UBR4: variants seen among roughly 807,000 people sequenced by gnomAD.
UBR4 encodes ubiquitin protein ligase E3 component n-recognin 4, also known as E3 ubiquitin-protein ligase UBR4.
Under a neutral mutation model 575.6 loss-of-function variants are expected in UBR4, and 124 were observed. That is an observed-to-expected ratio of 0.22 (90% CI 0.19 to 0.25). The LOEUF (loss-of-function observed/expected upper bound fraction) is 0.25. Among genes scored for constraint, UBR4 ranks in the 10% least tolerant of loss-of-function variants. The probability of loss-of-function intolerance (pLI) is 1.00; values close to 1 mark genes in which losing one functional copy is unlikely to be tolerated. For synonymous variants in UBR4, 2,455 were observed against 2,473.7 expected, an observed-to-expected ratio of 0.99 and a Z score of 0.22; for missense variants, 4,818 against 6,478.8, an observed-to-expected ratio of 0.74 and a Z score of 8.80.
At chr1:19,142,659 C>T (rs990226840) in intron 55 of UBR4, among the ~76,000 whole-genome samples, 2 of 152,136 alleles carry the variant, frequency 1.3e-5, no homozygotes, top group Non-Finnish European at 2.9e-5. Flanking sequence ...GGAGATGTGC[C>T]ACTAGTGTAA....
Position 19,192,289 on chromosome 1 carries a change from A to G in UBR4, c.1293T>C (p.Asp431=). 2 of 1,614,142 alleles carry G rather than the reference A, an allele frequency of 1.2e-6. No individual in the cohort carries two copies. Among genetic ancestry groups the G allele is most frequent in the Middle Eastern group, 3.3e-4 (2 of 6,062 alleles). Residue 431 remains aspartate (D), a synonymous_variant, in exon 11 of 106, where the codon GAT becomes GAC. Transcript: ENST00000375254. The part of the protein sequence containing the change: ...ILNLSPTALA[D]KGKEKDPLAA... ...CCAGTGGGTCCTTCTCTTTCCCCTT[A>G]TCAGCCAACGCAGTAGGACTGAGGT...
chr1:19,134,640 C>A (rs2082980762), intron 60 of UBR4, among the ~76,000 whole-genome samples: 1 of 151,494 alleles, frequency 6.6e-6, no homozygotes, highest in Non-Finnish European at 1.5e-5. Flanking sequence ...CCTCACAGGG[C>A]ATTTGGAATA....
Position 19,141,678 on chromosome 1 carries a change from C to G in UBR4, c.8279G>C (p.Ser2760Thr), listed in dbSNP as rs771209870. Reference sequence around the variant, plus strand: ...CTCAAAATCTCCATGGTCCACCTCACTCTGTTCCTGGCTTTCCTGACGGAT... The same window carrying G: ...CTCAAAATCTCCATGGTCCACCTCAGTCTGTTCCTGGCTTTCCTGACGGAT... Reference protein sequence around the residue: ...GHIRQESQEQSEVDHGDFEMV... With the variant: ...GHIRQESQEQTEVDHGDFEMV... The change falls in exon 56 of 106, where the codon AGT becomes ACT. Residue 2760 changes from serine to threonine, a missense_variant. Ser to Thr is a moderately conservative substitution (Grantham distance 58, BLOSUM62 1). Transcript: ENST00000375254. The G allele has an allele frequency of 6.2e-7, 1 of 1,614,238 alleles. No individual in the cohort carries two copies. Among genetic ancestry groups the G allele is most frequent in the Non-Finnish European group, 8.5e-7 (1 of 1,180,030 alleles).
chr1:19,129,518 C>T (rs1170746601), intron 60 of UBR4, among the ~76,000 whole-genome samples: 1 of 152,192 alleles, frequency 6.6e-6, no homozygotes, highest in Admixed American at 6.5e-5. Context: ...CACAGTGACC[C>T]AGCCCTTTCT....
chr1:19,119,721 C>A lies in UBR4; in HGVS notation c.10311-20G>T. On this transcript the variant is annotated intron_variant, in intron 69 of 105. Transcript: ENST00000375254. The stretch of plus-strand genomic sequence containing the variant: ...GAATTTCTGTGGATATATGACAGCT[C>A]ATGTTACCAAGCAGCAGAAAACCCT... 2 of 1,591,242 alleles carry A rather than the reference C, an allele frequency of 1.3e-6. No homozygotes were observed. The highest frequency in any genetic ancestry group is 1.7e-5 in the Admixed American group (1 of 59,136).
Position 19,187,550 on chromosome 1 carries a change from G to C in UBR4, c.1395-10C>G. 1 of 1,607,522 alleles carries C rather than the reference G, an allele frequency of 6.2e-7. No individual in the cohort carries two copies. The highest frequency in any genetic ancestry group is 8.5e-7 in the Non-Finnish European group (1 of 1,176,124). Reference sequence around the variant, plus strand: ...CCCAAATCCCTGATGCCTACACAAAGAAAAAGGAAAACACAATCCTTAAAA... The same window carrying C: ...CCCAAATCCCTGATGCCTACACAAACAAAAAGGAAAACACAATCCTTAAAA... On this transcript the variant is annotated splice_polypyrimidine_tract_variant and intron_variant, in intron 11 of 105. Coordinates refer to ENST00000375254, the MANE Select transcript of UBR4 (RefSeq NM_020765.3).
Position 19,104,537 on chromosome 1 carries a change from C to G in UBR4, c.12727+48G>C, listed in dbSNP as rs372553023. On this transcript the variant is annotated intron_variant, in intron 86 of 105. Transcript: ENST00000375254. ...GCACCCAAGGAACTAAGGGTTGTCC[C>G]TAAACAGATTCAGGATGCCCTAAAG... is the stretch of plus-strand genomic sequence containing the variant. The G allele has an allele frequency of 3.1e-5, 49 of 1,601,466 alleles. No homozygotes were observed. In the African/African-American group the frequency reaches 5.8e-4, roughly 19 times the overall value.
At position 19,198,713 on chromosome 1, in the gene UBR4, G is replaced by A. The variant is rs756444927; in HGVS notation, c.509-33C>T. The A allele has an allele frequency of 3.7e-6, 6 of 1,612,990 alleles. No individual in the cohort carries two copies. In the Admixed American group the frequency reaches 5.0e-5, roughly 13 times the overall value. On this transcript the variant is annotated intron_variant, in intron 4 of 105. Transcript: ENST00000375254. ...ATACAAAGGCAAAAAAAAGGGCTGA[G>A]GAAAGTGCCACTAGAAGGCAAAGGT...
intron 37 of UBR4, 105 bp downstream of exon 37, chr1:19,161,484 C>T (rs1332199796): frequency 1.4e-6 from 2 of 1,448,500 alleles, no homozygotes; most frequent in Middle Eastern, 2.6e-4. Flanking sequence ...GGAACATATT[C>T]CTAGACTCAG....
chr1:19,127,066 T>G (rs1218239249), intron 63 of UBR4, among the ~76,000 whole-genome samples: 1 of 152,180 alleles, frequency 6.6e-6, no homozygotes, highest in South Asian at 2.1e-4. Context: ...CCACCCCCTG[T>G]AGAGTCTTCC....
intron 13 of UBR4, 123 bp downstream of exon 13, chr1:19,187,041 G>A: frequency 1.3e-6 from 1 of 779,166 alleles, no homozygotes; most frequent in Non-Finnish European, 1.6e-6. Context: ...TAAAGGTCAT[G>A]GTGTGTAGTC....
At chr1:19,077,732 T>A (rs925177297) in intron 104 of UBR4, 13 of 1,419,938 alleles carry the variant, frequency 9.2e-6, no homozygotes, top group Non-Finnish European at 1.2e-5. Flanking sequence ...AAACTCCGTC[T>A]CAAAAAAACC....
Position 19,141,725 on chromosome 1 carries a change from T to C in UBR4, c.8232A>G (p.Ser2744=), listed in dbSNP as rs766192901. Residue 2744 remains serine, a synonymous_variant, in exon 56 of 106, where the codon TCA becomes TCG. Coordinates refer to ENST00000375254, the MANE Select transcript of UBR4 (RefSeq NM_020765.3). ...GGATGTGACCACCATTCGGGATCCCTGATGACTGCATTTTCTCATCTGCAT... is the reference window on the plus strand; with the variant it reads ...GGATGTGACCACCATTCGGGATCCCCGATGACTGCATTTTCTCATCTGCAT... The part of the protein sequence containing the change: ...DDDADEKMQS[S]GIPNGGHIRQ... 4 of 1,614,226 alleles carry C rather than the reference T, an allele frequency of 2.5e-6. No homozygotes were observed. Among genetic ancestry groups the C allele is most frequent in the Non-Finnish European group, 3.4e-6 (4 of 1,180,042 alleles).
rs770464364 is a variant in UBR4 at position 19,156,315 on chromosome 1, C to A, written c.6028G>T (p.Gly2010Cys). The change falls in exon 42 of 106, where the codon GGT becomes TGT. Residue 2010 changes from glycine to cysteine, a missense_variant. This residue lies in a region of UBR4 where 461 missense variants were observed against 606.9 expected (regional missense o/e 0.76). Transcript: ENST00000375254. Reference protein sequence around the residue: ...NFIIKAVWLPGSQTELAIVTA... With the variant: ...NFIIKAVWLPCSQTELAIVTA... ...ACAATTGCTAACTCGGTCTGTGAAC[C>A]AGGTAACCACACGGCTTTGATGATG... is the stretch of plus-strand genomic sequence containing the variant. 3 of 1,614,152 alleles carry A rather than the reference C, an allele frequency of 1.9e-6. No homozygotes were observed. Among genetic ancestry groups the A allele is most frequent in the Non-Finnish European group, 2.5e-6 (3 of 1,180,014 alleles).
intron 11 of UBR4, among the ~76,000 whole-genome samples, chr1:19,191,757 T>C (rs188972165): frequency 2.0e-5 from 3 of 152,290 alleles, no homozygotes; most frequent in Admixed American, 6.5e-5. Context: ...ACATTGGTCA[T>C]ATCTCTTCTT....
At chr1:19,150,118 ACT>A (rs1037396282) in intron 49 of UBR4, among the ~76,000 whole-genome samples, 4 of 152,156 alleles carry the variant, frequency 2.6e-5, no homozygotes, top group Admixed American at 2.6e-4. Flanking sequence ...GAAACTCTAG[ACT>A]CTGCTACAAG....
In UBR4 at chr1:19,174,352, A is replaced by C. The variant is rs950827017; in HGVS notation, c.2949T>G (p.Val983=). The C allele has an allele frequency of 6.2e-7, 1 of 1,613,458 alleles. No individual in the cohort carries two copies. Among genetic ancestry groups the C allele is most frequent in the Admixed American group, 1.7e-5 (1 of 59,972 alleles). ...TTACATTCTTGTTTTCCTTTCTCCTAACTGTATCAAGCTGGGACCCAGCTG... is the reference window on the plus strand; with the variant it reads ...TTACATTCTTGTTTTCCTTTCTCCTCACTGTATCAAGCTGGGACCCAGCTG... ...LLAAGSQLDT[V]RRKENKNVTA... Residue 983 remains valine, a synonymous_variant, in exon 22 of 106, where the codon GTT becomes GTG. Coordinates refer to ENST00000375254, the MANE Select transcript of UBR4 (RefSeq NM_020765.3).
intron 48 of UBR4, 21 bp from the exon 49 acceptor site, chr1:19,150,814 C>G (rs189285720): frequency 6.2e-7 from 1 of 1,611,506 alleles, no homozygotes; most frequent in African/African-American, 1.3e-5. Context: ...CAAGAGAGGC[C>G]TTTAGGAAGC....
chr1:19,150,932 T>C, intron 48 of UBR4, 139 bp from the exon 49 acceptor site: 1 of 848,066 alleles, frequency 1.2e-6, no homozygotes. Flanking sequence ...TTCTGAGATA[T>C]TTGCAGCACT....
Sources: gnomAD v4.1 joint callset for allele counts (sites outside exome capture counted in the v4.1 genomes callset) on GRCh38, gnomAD v4.1.1 for gene constraint, gnomAD v4.1.1 regional missense constraint, MANE v1.5 for transcripts, NCBI Gene and HGNC (gene_info 2026-07-23, HGNC 2026-07-21) for gene names.